Variants in GSE1 observed in about 807,000 individuals in gnomAD.
GSE1 encodes Gse1 coiled-coil protein, also known as genetic suppressor element 1.
A neutral mutation model predicts 112.6 loss-of-function variants in GSE1; 32 were observed. The ratio of observed to expected loss-of-function variants is 0.28; its 90% confidence interval spans 0.21 to 0.38. GSE1 has a LOEUF of 0.38. GSE1 is among the 10% of genes least tolerant of loss of function. The probability of loss-of-function intolerance (pLI) is 1.00; values close to 1 mark genes in which losing one functional copy is unlikely to be tolerated. For missense variants in GSE1, 2,348 were observed against 1,699.2 expected (o/e 1.38, Z -6.71); for synonymous variants, 1,115 against 735.6 (o/e 1.52, Z -8.35).
At chr16:85,231,439 A>C (rs1012143877) in intron 1 of GSE1, among the ~76,000 whole-genome samples, 1 of 140,734 alleles carries the variant, frequency 7.1e-6, no homozygotes, top group East Asian at 2.3e-4. Flanking sequence ...TGGACAGATG[A>C]ATGGATGGAT....
At chr16:85,184,197 G>A (rs1056838235) in intron 1 of GSE1, among the ~76,000 whole-genome samples, 1 of 152,164 alleles carries the variant, frequency 6.6e-6, no homozygotes, top group Non-Finnish European at 1.5e-5. Context: ...AGGGCTTCTG[G>A]ACCCCATTTG....
At chr16:85,170,222 C>G in exon 1 of GSE1, 7 of 985,366 alleles carry the variant, frequency 7.1e-6, no homozygotes, top group Non-Finnish European at 8.4e-6. Context: ...CAGGGGCGCG[C>G]GGAGGAGGAG....
chr16:85,514,632 A>C (rs2051865634), intron 2 of GSE1, among the ~76,000 whole-genome samples: 1 of 152,174 alleles, frequency 6.6e-6, no homozygotes, highest in African/African-American at 2.4e-5. Flanking sequence ...CTGAGCTCAG[A>C]GGCTCTGCGC....
rs773810463 is a variant in GSE1 at position 85,613,361 on chromosome 16, A to G, written c.-31A>G. ...CTGGGCGACGGTGGCTCCAGCATGTATCAGCCGAGGTGGAGCTGCGGGGCC... is the reference window on the plus strand; with the variant it reads ...CTGGGCGACGGTGGCTCCAGCATGTGTCAGCCGAGGTGGAGCTGCGGGGCC... On this transcript the variant is annotated 5_prime_UTR_variant, in exon 1 of 16. Coordinates refer to ENST00000253458, the MANE Select transcript of GSE1 (RefSeq NM_014615.5). The G allele has an allele frequency of 3.4e-5, 53 of 1,569,194 alleles. No homozygotes were observed. In the African/African-American group the frequency reaches 5.7e-4, roughly 17 times the overall value.
chr16:85,493,771 C>T (rs138950535), intron 2 of GSE1, among the ~76,000 whole-genome samples: 3,403 of 127,328 alleles, frequency 0.027, 118 homozygotes, highest in African/African-American at 0.093. Flanking sequence ...GCCTGGGCAA[C>T]GAGAGTGAGA....
chr16:85,323,058 A>T lies in GSE1; in HGVS notation c.2284-34405A>T, dbSNP rs186199502. On this transcript the variant is annotated intron_variant, in intron 1 of 2. Transcript: ENST00000637419. ...CTACTTTGTCACCTCCCAAAATAGC[A>T]TTTGGAAGGGAAAACAGAACAGGGC... Among the ~76,000 whole-genome samples, 3 of 152,062 alleles carry T rather than the reference A, an allele frequency of 2.0e-5. No homozygotes were observed. The East Asian group carries it at 5.8e-4, about 29-fold the overall frequency.
intron 2 of GSE1, among the ~76,000 whole-genome samples, chr16:85,398,641 C>T (rs1218636563): frequency 6.6e-6 from 1 of 152,140 alleles, no homozygotes; most frequent in African/African-American, 2.4e-5. Flanking sequence ...ACCTCAGTTT[C>T]CCCAGCTATA....
At chr16:85,271,383 C>T (rs1908819573) in intron 1 of GSE1, among the ~76,000 whole-genome samples, 1 of 152,280 alleles carries the variant, frequency 6.6e-6, no homozygotes, top group African/African-American at 2.4e-5. Context: ...CAGTCAGCTC[C>T]TTGGGGTTTC....
At chr16:85,185,958 G>T (rs544283875) in intron 1 of GSE1, among the ~76,000 whole-genome samples, 1 of 152,234 alleles carries the variant, frequency 6.6e-6, no homozygotes, top group Non-Finnish European at 1.5e-5. Context: ...CAGGGTGATG[G>T]GTGGGTTCGG....
At chr16:85,655,625 G>T (rs573872204) in intron 5 of GSE1, 101 bp from the exon 6 acceptor site, 1 of 700,956 alleles carries the variant, frequency 1.4e-6, no homozygotes, top group East Asian at 2.7e-5. Flanking sequence ...CGTTCCCCAC[G>T]CTCAGGCAGG....
chr16:85,635,905 G>C (rs987208167), intron 2 of GSE1, among the ~76,000 whole-genome samples: 2 of 152,110 alleles, frequency 1.3e-5, no homozygotes, highest in South Asian at 4.1e-4. Flanking sequence ...CCCTCCCTGG[G>C]CCCAGCAGCG....
intron 1 of GSE1, among the ~76,000 whole-genome samples, chr16:85,584,649 G>C (rs920661087): frequency 6.6e-6 from 1 of 152,124 alleles, no homozygotes; most frequent in Non-Finnish European, 1.5e-5. Flanking sequence ...TCTGAGGCTG[G>C]TACTTGGTAC....
At position 85,311,256 on chromosome 16, in the gene GSE1, C is replaced by T. The variant is rs896975974; in HGVS notation, c.2284-46207C>T. On this transcript the variant is annotated intron_variant, in intron 1 of 2. Coordinates refer to the GSE1 transcript ENST00000637419. The surrounding 1 kb of genome is among the most constrained non-coding windows in gnomAD (Gnocchi z 4.2). ...TGATGTGGGCACAAAGGGGCAGAGC[C>T]TAGCCACGGAGAGAGGGTGTGCCAT... Among the ~76,000 whole-genome samples the T allele has an allele frequency of 3.3e-4, 50 of 152,212 alleles. No individual in the cohort carries two copies. Among genetic ancestry groups the T allele is most frequent in the Non-Finnish European group, 6.6e-4 (45 of 68,028 alleles).
chr16:85,590,887 G>A (rs1053889969), intron 1 of GSE1, among the ~76,000 whole-genome samples: 15 of 152,190 alleles, frequency 9.9e-5, no homozygotes, highest in Admixed American at 7.2e-4. Context: ...AGGGCTAGCC[G>A]AGAATCCCTG....
intron 1 of GSE1, among the ~76,000 whole-genome samples, chr16:85,240,364 T>C (rs1370579848): frequency 6.7e-6 from 1 of 149,734 alleles, no homozygotes; most frequent in South Asian, 2.1e-4. Context: ...CTCAGTTGGC[T>C]CAGGCCCCCT....
intron 1 of GSE1, among the ~76,000 whole-genome samples, chr16:85,187,059 C>A (rs577291616): frequency 1.3e-5 from 2 of 152,178 alleles, no homozygotes; most frequent in East Asian, 3.8e-4. Flanking sequence ...GACGCAGCCA[C>A]GCTTGGTGTC....
At chr16:85,376,945 G>T (rs1408026397) in intron 2 of GSE1, among the ~76,000 whole-genome samples, 1 of 152,262 alleles carries the variant, frequency 6.6e-6, no homozygotes, top group Non-Finnish European at 1.5e-5. Flanking sequence ...CTCCTGTTGT[G>T]CAGGTTGCAC....
chr16:85,610,175 C>G (rs996750131), upstream of GSE1, among the ~76,000 whole-genome samples: 3 of 152,234 alleles, frequency 2.0e-5, no homozygotes, highest in African/African-American at 7.2e-5. Flanking sequence ...CATCCTGTTG[C>G]CTTGGCACAA....
rs1302191921 is a variant in GSE1 at position 85,648,567 on chromosome 16, G to A, written c.242G>A (p.Ser81Asn). 6 of 1,569,690 alleles carry A rather than the reference G, an allele frequency of 3.8e-6. No individual in the cohort carries two copies. In the South Asian group the frequency reaches 7.0e-5, roughly 18 times the overall value. Residue 81 changes from serine (S) to asparagine (N), a missense_variant, in exon 3 of 16, where the codon AGC (serine) becomes AAC (asparagine). Transcript: ENST00000253458. The part of the protein sequence containing the change: ...AEEPRGSSLS[S>N]ESSPVSSPAT... ...TCCTCCACAGGGTCCTCACTGAGCAGCGAGTCGTCCCCCGTGTCCTCTCCG... is the reference window on the plus strand; with the variant it reads ...TCCTCCACAGGGTCCTCACTGAGCAACGAGTCGTCCCCCGTGTCCTCTCCG...
Sources: gnomAD v4.1 joint callset for allele counts (sites outside exome capture counted in the v4.1 genomes callset) on GRCh38, gnomAD v4.1.1 for gene constraint, Gnocchi (gnomAD v3.1) non-coding constraint, MANE v1.5 for transcripts, NCBI Gene and HGNC (gene_info 2026-07-23, HGNC 2026-07-21) for gene names.